Variants in TBC1D12 observed in about 807,000 individuals in gnomAD.
The protein encoded by TBC1D12 is TBC1 domain family member 12.
In TBC1D12, 56 loss-of-function variants were observed where a neutral mutation model predicts 86.7. The observed-to-expected ratio is 0.65, with a 90% CI of 0.52 to 0.81. TBC1D12 has a LOEUF of 0.81. Among genes scored for constraint, TBC1D12 ranks in the 30% least tolerant of loss-of-function variants. The probability of loss-of-function intolerance (pLI) is 0.00; values close to 1 mark genes in which losing one functional copy is unlikely to be tolerated. For missense variants in TBC1D12, 1,023 were observed against 1,038.8 expected, an observed-to-expected ratio of 0.98 and a Z score of 0.21; for synonymous variants, 421 against 411.7, an observed-to-expected ratio of 1.02 and a Z score of -0.27.
intron 2 of TBC1D12, among the ~76,000 whole-genome samples, chr10:94,467,574 T>C (rs1589637617): frequency 1.3e-5 from 2 of 152,212 alleles, no homozygotes; most frequent in East Asian, 3.8e-4. Context: ...AGATGTTTAC[T>C]CATATATAAA....
Position 94,474,667 on chromosome 10 carries a change from G to A in TBC1D12, c.1096-1G>A. 1 of 1,612,908 alleles carries A rather than the reference G, an allele frequency of 6.2e-7. No individual in the cohort carries two copies. Among genetic ancestry groups the A allele is most frequent in the Non-Finnish European group, 8.5e-7 (1 of 1,179,058 alleles). On this transcript the variant is annotated splice_acceptor_variant, in intron 2 of 12. Coordinates refer to ENST00000225235, the MANE Select transcript of TBC1D12 (RefSeq NM_015188.2). LOFTEE classifies it high-confidence loss of function. ...ATAAGGTATGTTTTAATTTACTCTA[G>A]GAATATGAAGCACGAACGGGGAGGA... is the stretch of plus-strand genomic sequence containing the variant.
In TBC1D12 at chr10:94,402,794, G is replaced by A. The variant is rs1367087051; in HGVS notation, c.181G>A (p.Glu61Lys). ...TGACGAGGAGGAGGAGGCTGACGAG[G>A]AGGAGGAGACGCCGCCTCGGCAGCT... is the stretch of plus-strand genomic sequence containing the variant. ...EADEEEEADE[E>K]EETPPRQLLQ... The change falls in exon 1 of 13, where the codon GAG (glutamate) becomes AAG (lysine). Residue 61 changes from glutamate to lysine, a missense_variant. Around this residue, in one of 2 missense-constraint regions of TBC1D12, gnomAD observed 628 missense variants for 531.1 expected, o/e 1.18. Transcript: ENST00000225235. The A allele has an allele frequency of 4.5e-6, 7 of 1,541,424 alleles. No individual in the cohort carries two copies. In the African/African-American group the frequency reaches 9.7e-5, roughly 21 times the overall value.
chr10:94,471,101 C>A (rs2055898708), intron 2 of TBC1D12, among the ~76,000 whole-genome samples: 2 of 152,036 alleles, frequency 1.3e-5, no homozygotes, highest in South Asian at 4.2e-4. Flanking sequence ...CATGGTGAAA[C>A]CCTGTCTCTA....
intron 1 of TBC1D12, among the ~76,000 whole-genome samples, chr10:94,432,518 C>T (rs560469510): frequency 6.6e-6 from 1 of 152,060 alleles, no homozygotes; most frequent in Non-Finnish European, 1.5e-5. Flanking sequence ...AACCTGAAAA[C>T]CCAATCCAAA....
At chr10:94,413,595 T>C (rs2054956425) in intron 1 of TBC1D12, among the ~76,000 whole-genome samples, 1 of 152,182 alleles carries the variant, frequency 6.6e-6, no homozygotes, top group African/African-American at 2.4e-5. Flanking sequence ...CATGTGACTG[T>C]CTGGGTTTTC....
At chr10:94,503,203 A>G (rs2056420703) in intron 6 of TBC1D12, among the ~76,000 whole-genome samples, 2 of 152,198 alleles carry the variant, frequency 1.3e-5, no homozygotes, top group African/African-American at 4.8e-5. Flanking sequence ...AGATAGCCAA[A>G]TCAAAGACAT....
At chr10:94,496,288 CTCT>C (rs1003527543) in intron 4 of TBC1D12, among the ~76,000 whole-genome samples, 30 of 152,174 alleles carry the variant, frequency 2.0e-4, no homozygotes, top group Middle Eastern at 6.8e-3. Context: ...TTTGAGACAT[CTCT>C]TCTTCTGAAA....
intron 2 of TBC1D12, 64 bp downstream of exon 2, chr10:94,442,083 T>G (rs2055391351): frequency 5.6e-5 from 4 of 71,096 alleles, no homozygotes; most frequent in Non-Finnish European, 7.5e-5. Context: ...CTTCTTCTTC[T>G]TTTTTTTTTT....
At position 94,455,624 on chromosome 10, in the gene TBC1D12, A is replaced by G. The variant is rs77365466; in HGVS notation, c.1095+13605A>G. On this transcript the variant is annotated intron_variant, in intron 2 of 12. Transcript: ENST00000225235. ...TCATTTCATTCAGGTTATCAAAATT[A>G]TGGGCATAGAATTGTTCGTAATAAG... 2.6e-3 allele frequency among the ~76,000 whole-genome samples: 389 copies of G among 152,268 alleles called. 10 individuals carry two copies. In the East Asian group the frequency reaches 0.059, roughly 23 times the overall value.
chr10:94,428,166 G>T (rs1457504323), intron 1 of TBC1D12, among the ~76,000 whole-genome samples: 1 of 152,030 alleles, frequency 6.6e-6, no homozygotes, highest in Non-Finnish European at 1.5e-5. Context: ...ACACTTAGTA[G>T]TGTGACCTTG....
At chr10:94,497,894 C>T (rs553198916) in intron 5 of TBC1D12, among the ~76,000 whole-genome samples, 211 of 150,250 alleles carry the variant, frequency 1.4e-3, no homozygotes, top group Non-Finnish European at 1.9e-3. Context: ...ACAATCTCGG[C>T]TCACTGCAAG....
At chr10:94,479,648 A>G (rs563676898) in intron 3 of TBC1D12, among the ~76,000 whole-genome samples, 1 of 152,270 alleles carries the variant, frequency 6.6e-6, no homozygotes, top group South Asian at 2.1e-4. Flanking sequence ...GGTAGTTAGT[A>G]TGTGTAGGCA....
intron 3 of TBC1D12, among the ~76,000 whole-genome samples, chr10:94,483,039 C>CTTT (rs71031579): frequency 5.9e-4 from 74 of 124,590 alleles, no homozygotes; most frequent in Non-Finnish European, 7.5e-4. Flanking sequence ...TATTCTTCTT[C>CTTT]TTTTTTTTTT....
At chr10:94,435,978 G>A (rs1229239421) in intron 1 of TBC1D12, among the ~76,000 whole-genome samples, 3 of 152,044 alleles carry the variant, frequency 2.0e-5, no homozygotes, top group African/African-American at 7.2e-5. Flanking sequence ...GCTTGGGTAT[G>A]TTTCTGAGTT....
intron 12 of TBC1D12, 44 bp downstream of exon 12, chr10:94,531,504 T>A (rs762915474): frequency 6.0e-6 from 9 of 1,505,174 alleles, no homozygotes; most frequent in African/African-American, 1.4e-5. Flanking sequence ...GTTAAAGCAG[T>A]TGACTTATTG....
At chr10:94,521,072 G>A (rs375201719) in intron 9 of TBC1D12, among the ~76,000 whole-genome samples, 16 of 151,564 alleles carry the variant, frequency 1.1e-4, no homozygotes, top group Middle Eastern at 3.4e-3. Context: ...CTGGACAGGC[G>A]TGGTGGTACA....
chr10:94,532,137 C>T (rs1842450488), intron 12 of TBC1D12, among the ~76,000 whole-genome samples: 1 of 150,922 alleles, frequency 6.6e-6, no homozygotes, highest in Non-Finnish European at 1.5e-5. Context: ...GTCTTGGCCT[C>T]CCAAAGTGTT....
At chr10:94,441,833 A>C in intron 1 of TBC1D12, 63 bp from the exon 2 acceptor site, 1 of 1,534,332 alleles carries the variant, frequency 6.5e-7, no homozygotes, top group South Asian at 1.2e-5. Flanking sequence ...TTATTATAAA[A>C]TTACTGTTAA....
chr10:94,535,443 A>G lies in TBC1D12; in HGVS notation c.*2347A>G, dbSNP rs938596869. On this transcript the variant is annotated 3_prime_UTR_variant, in exon 13 of 13. Transcript: ENST00000225235. ...AACTAACAAGCCTGCGATCCTTGTTAGTGTAGTGACTGCCTCTTTAGGAGT... is the reference window on the plus strand; with the variant it reads ...AACTAACAAGCCTGCGATCCTTGTTGGTGTAGTGACTGCCTCTTTAGGAGT... 1 of 151,334 alleles carries G rather than the reference A, an allele frequency of 6.6e-6. No individual in the cohort carries two copies. The allele number at this position is 151,334 out of a possible 1,614,324, so 9.4% of individuals were successfully genotyped here.
Sources: allele counts gnomAD v4.1 joint callset (sites outside exome capture counted in the v4.1 genomes callset), GRCh38; gene constraint gnomAD v4.1.1; regional missense constraint gnomAD v4.1.1; transcripts MANE v1.5; gene names NCBI Gene and HGNC (gene_info 2026-07-23, HGNC 2026-07-21).